Variants in PDZRN4 observed in about 807,000 individuals in gnomAD.
PDZRN4 encodes PDZ domain containing ring finger 4, also known as PDZ domain-containing RING finger protein 4.
Under a neutral mutation model 99.0 loss-of-function variants are expected in PDZRN4, and 70 were observed. That is an observed-to-expected ratio of 0.71 (90% CI 0.58 to 0.86). The LOEUF (loss-of-function observed/expected upper bound fraction) is 0.86. PDZRN4 is among the 40% of genes least tolerant of loss of function. PDZRN4 has a pLI of 0.00. For missense variants in PDZRN4, 1,474 were observed against 1,331.2 expected (o/e 1.11, Z -1.67); for synonymous variants, 551 against 501.6 (o/e 1.10, Z -1.32).
At chr12:41,249,205 G>A (rs1024590773) in intron 3 of PDZRN4, among the ~76,000 whole-genome samples, 3 of 152,134 alleles carry the variant, frequency 2.0e-5, no homozygotes, top group Non-Finnish European at 4.4e-5. Context: ...AGGTAGGTAT[G>A]AAAAAAGTAA....
chr12:41,377,187 C>T (rs751321095), intron 3 of PDZRN4, among the ~76,000 whole-genome samples: 5 of 152,068 alleles, frequency 3.3e-5, no homozygotes, highest in Non-Finnish European at 5.9e-5. Flanking sequence ...GTTGTTCTTT[C>T]TCAAGATTAC....
At chr12:41,210,956 T>C (rs187034529) in intron 3 of PDZRN4, among the ~76,000 whole-genome samples, 3 of 152,022 alleles carry the variant, frequency 2.0e-5, no homozygotes, top group Non-Finnish European at 4.4e-5. Context: ...TTTATAGCTC[T>C]TCTCTCTAAG....
intron 3 of PDZRN4, among the ~76,000 whole-genome samples, chr12:41,319,044 C>T (rs1272252861): frequency 2.0e-5 from 3 of 152,150 alleles, no homozygotes; most frequent in African/African-American, 7.2e-5. Context: ...CTCAGAACAT[C>T]TGTAACCTAA....
intron 3 of PDZRN4, among the ~76,000 whole-genome samples, chr12:41,471,100 T>C (rs1952985478): frequency 6.6e-6 from 1 of 152,228 alleles, no homozygotes; most frequent in Non-Finnish European, 1.5e-5. Flanking sequence ...TGGTTGGAAA[T>C]GACCCCTTTA....
At chr12:41,364,597 A>T (rs1194679300) in intron 3 of PDZRN4, among the ~76,000 whole-genome samples, 1 of 152,102 alleles carries the variant, frequency 6.6e-6, no homozygotes, top group East Asian at 1.9e-4. Context: ...CAGCTTTCTA[A>T]ATCATCTATC....
At chr12:41,545,591 A>G (rs1938935373) in intron 5 of PDZRN4, among the ~76,000 whole-genome samples, 1 of 151,786 alleles carries the variant, frequency 6.6e-6, no homozygotes, top group South Asian at 2.1e-4. Flanking sequence ...TGAAATAAGT[A>G]ATACAGGATA....
At chr12:41,245,697 A>C (rs2195707) in intron 3 of PDZRN4, among the ~76,000 whole-genome samples, 102,676 of 152,014 alleles carry the variant, frequency 0.68, 34,905 homozygotes, top group East Asian at 0.74. Context: ...GAAAAAAAAT[A>C]TATGGCAATA....
At chr12:41,461,553 G>A (rs547267522) in intron 3 of PDZRN4, among the ~76,000 whole-genome samples, 5 of 152,234 alleles carry the variant, frequency 3.3e-5, no homozygotes, top group East Asian at 1.9e-4. Flanking sequence ...ACCTCCATGC[G>A]TTATTCCCTA....
At chr12:41,521,906 G>A (rs1268439460) in intron 5 of PDZRN4, among the ~76,000 whole-genome samples, 2 of 151,928 alleles carry the variant, frequency 1.3e-5, no homozygotes, top group Middle Eastern at 3.2e-3. Context: ...GATTACCTGT[G>A]GTTTATCTTA....
rs559765666 is a variant in PDZRN4, at chr12:41,272,520, T to C, written c.843+78332T>C. On this transcript the variant is annotated intron_variant, in intron 3 of 9. Coordinates refer to ENST00000402685, the MANE Select transcript of PDZRN4 (RefSeq NM_001164595.2). Reference sequence around the variant, plus strand: ...AATCTTTGCAGCTACTTAAGACTGCTTTTAAGGGTCACGGATTTAATTGCC... The same window carrying C: ...AATCTTTGCAGCTACTTAAGACTGCCTTTAAGGGTCACGGATTTAATTGCC... Among the ~76,000 whole-genome samples the C allele has an allele frequency of 2.6e-5, 4 of 152,176 alleles. No individual in the cohort carries two copies. In the East Asian group the frequency reaches 7.7e-4, roughly 29 times the overall value.
At chr12:41,375,920 C>T (rs77321526) in intron 3 of PDZRN4, among the ~76,000 whole-genome samples, 5,029 of 152,242 alleles carry the variant, frequency 0.033, 118 homozygotes, top group African/African-American at 0.071. Flanking sequence ...AGCCCCATCC[C>T]CTGGCAACAT....
rs1210826861 is a variant in PDZRN4 at position 41,359,007 on chromosome 12, A to G, written c.844-147449A>G. Among the ~76,000 whole-genome samples the G allele has an allele frequency of 2.0e-5, 3 of 151,978 alleles. No individual in the cohort carries two copies. The East Asian group carries it at 5.8e-4, about 29-fold the overall frequency. On this transcript the variant is annotated intron_variant, in intron 3 of 9. Coordinates refer to ENST00000402685, the MANE Select transcript of PDZRN4 (RefSeq NM_001164595.2). ...GGGATTGATTTGTCTAACAAAGTTCAGAAAATTGTTTAATGATACCACTTC... is the reference window on the plus strand; with the variant it reads ...GGGATTGATTTGTCTAACAAAGTTCGGAAAATTGTTTAATGATACCACTTC...
At chr12:41,495,055 C>A (rs1937969080) in intron 3 of PDZRN4, among the ~76,000 whole-genome samples, 1 of 151,996 alleles carries the variant, frequency 6.6e-6, no homozygotes, top group Admixed American at 6.6e-5. Context: ...GGTAACATAC[C>A]TTTCTAAGTT....
intron 3 of PDZRN4, among the ~76,000 whole-genome samples, chr12:41,393,911 G>A (rs951827556): frequency 7.2e-5 from 11 of 152,202 alleles, no homozygotes; most frequent in African/African-American, 1.4e-4. Context: ...TACAGGTAGC[G>A]TCTCTGCAAT....
At chr12:41,299,097 C>T (rs917125611) in intron 3 of PDZRN4, among the ~76,000 whole-genome samples, 4 of 152,056 alleles carry the variant, frequency 2.6e-5, no homozygotes, top group African/African-American at 9.7e-5. Context: ...AATAAGCAGG[C>T]AGTGAGCCTA....
chr12:41,276,047 A>G (rs1951348059), intron 3 of PDZRN4, among the ~76,000 whole-genome samples: 1 of 152,142 alleles, frequency 6.6e-6, no homozygotes, highest in Non-Finnish European at 1.5e-5. Flanking sequence ...GTAGTTTCAC[A>G]GTTGTTATTA....
intron 3 of PDZRN4, among the ~76,000 whole-genome samples, chr12:41,329,922 C>T (rs956722023): frequency 6.6e-6 from 1 of 152,102 alleles, no homozygotes; most frequent in Non-Finnish European, 1.5e-5. Flanking sequence ...CCCCTATAAT[C>T]TTTTATACCT....
chr12:41,462,344 T>A (rs1435371895), intron 3 of PDZRN4, among the ~76,000 whole-genome samples: 1 of 152,192 alleles, frequency 6.6e-6, no homozygotes, highest in East Asian at 1.9e-4. Context: ...TATGTATATT[T>A]CTCATAGAAA....
chr12:41,433,384 C>A (rs1952601295), intron 3 of PDZRN4, among the ~76,000 whole-genome samples: 1 of 152,190 alleles, frequency 6.6e-6, no homozygotes, highest in South Asian at 2.1e-4. Context: ...TTCCACAAGT[C>A]ACAGTCTCTC....
Sources: gnomAD v4.1 joint callset for allele counts (sites outside exome capture counted in the v4.1 genomes callset) on GRCh38, gnomAD v4.1.1 for gene constraint, MANE v1.5 for transcripts, NCBI Gene and HGNC (gene_info 2026-07-23, HGNC 2026-07-21) for gene names.